The following INO80 variants were observed in gnomAD, a reference collection of about 807,000 sequenced individuals.
INO80 encodes the protein chromatin-remodeling ATPase INO80.
INO80 carries 20 observed loss-of-function variants against 203.4 expected under a neutral mutation model. The ratio of observed to expected loss-of-function variants is 0.10; its 90% CI spans 0.07 to 0.14. The LOEUF (loss-of-function observed/expected upper bound fraction) is 0.14. INO80 is among the 10% of genes least tolerant of loss of function. The pLI is 1.00. For synonymous variants in INO80, 726 were observed against 685.2 expected (o/e 1.06, Z -0.93); for missense variants, 1,419 against 1,914.4 (o/e 0.74, Z 4.83).
chr15:41,034,058 T>C (rs530425480), intron 24 of INO80, among the ~76,000 whole-genome samples: 3 of 152,010 alleles, frequency 2.0e-5, no homozygotes, highest in Non-Finnish European at 4.4e-5. Flanking sequence ...CGAGACTCTG[T>C]CTCAAAAAAC....
At chr15:41,061,675 A>G (rs1481696030) in intron 14 of INO80, among the ~76,000 whole-genome samples, 6 of 152,100 alleles carry the variant, frequency 3.9e-5, no homozygotes, top group African/African-American at 1.4e-4. Flanking sequence ...AAATACTTTA[A>G]AAAATGCTAA....
intron 11 of INO80, 23 bp from the exon 12 acceptor site, chr15:41,072,081 A>AT: frequency 1.5e-6 from 2 of 1,355,714 alleles, no homozygotes; most frequent in Non-Finnish European, 2.0e-6. Flanking sequence ...AAAAAAAAAA[A>AT]TTAGAAAAAA....
rs998339802 is a variant in INO80, at chr15:40,980,182, T to C, written c.*41A>G. ...AAAGACCACTGGCAGGTCAGGACTC[T>C]AGCCCTGGTTTGGTTGAAGGAAGTC... On this transcript the variant is annotated 3_prime_UTR_variant, in exon 36 of 36. Transcript: ENST00000648947. The C allele has an allele frequency of 1.3e-6, 2 of 1,530,282 alleles. No homozygotes were observed. Among genetic ancestry groups the C allele is most frequent in the East Asian group, 2.2e-5 (1 of 44,490 alleles). 94.8% of individuals were successfully genotyped at this position (1,530,282 alleles called of 1,614,324 possible).
chr15:40,983,307 G>A (rs1893907112), intron 34 of INO80: 1 of 534,340 alleles, frequency 1.9e-6, no homozygotes, highest in African/African-American at 1.9e-5. Flanking sequence ...TTTTCATTCT[G>A]AAGAGCAGTT....
intron 27 of INO80, among the ~76,000 whole-genome samples, chr15:41,009,368 G>T (rs2044099660): frequency 1.4e-5 from 2 of 144,092 alleles, no homozygotes. Context: ...ATCTCCCAAT[G>T]CTATCCCTCC....
intron 7 of INO80, among the ~76,000 whole-genome samples, chr15:41,084,187 G>A (rs2140635564): frequency 6.8e-6 from 1 of 146,832 alleles, no homozygotes; most frequent in African/African-American, 2.6e-5. Flanking sequence ...GACTATAATT[G>A]CAACTTCTTT....
chr15:41,011,314 G>A lies in INO80; in HGVS notation c.3402+4774C>T, dbSNP rs535763724. On this transcript the variant is annotated intron_variant, in intron 27 of 35. Coordinates refer to ENST00000648947, the MANE Select transcript of INO80 (RefSeq NM_017553.3). ...TCTTGCTATCCTCAGCTCTGTTCAC[G>A]CTTCATTTTGACATTAGTATCAGGG... Among the ~76,000 whole-genome samples, 5 of 152,150 alleles carry A rather than the reference G, an allele frequency of 3.3e-5. No homozygotes were observed. The South Asian group carries it at 6.2e-4, about 19-fold the overall frequency.
chr15:41,037,815 C>T (rs1406903689), intron 24 of INO80, among the ~76,000 whole-genome samples: 3 of 151,092 alleles, frequency 2.0e-5, no homozygotes, highest in Non-Finnish European at 2.9e-5. Flanking sequence ...TGGTGGTGCA[C>T]GCCTGTAGTC....
chr15:40,992,672 T>C (rs992294316), intron 29 of INO80, among the ~76,000 whole-genome samples: 3 of 152,254 alleles, frequency 2.0e-5, no homozygotes, highest in African/African-American at 7.2e-5. Context: ...ATTTCAATCT[T>C]GCTGTCTCAT....
intron 4 of INO80, among the ~76,000 whole-genome samples, chr15:41,092,623 A>G (rs1839997001): frequency 6.6e-6 from 1 of 152,228 alleles, no homozygotes; most frequent in African/African-American, 2.4e-5. Flanking sequence ...AATGTGGAAT[A>G]TCCAGATAAT....
intron 2 of INO80, 55 bp downstream of exon 2, chr15:41,096,113 G>A: frequency 6.6e-7 from 1 of 1,522,676 alleles, no homozygotes. Context: ...AAATCTGTAA[G>A]GATGATGGAA....
chr15:41,029,658 T>G (rs2044430660), intron 24 of INO80, among the ~76,000 whole-genome samples: 1 of 152,246 alleles, frequency 6.6e-6, no homozygotes, highest in Admixed American at 6.5e-5. Flanking sequence ...TGATTTTGGG[T>G]AGCATCTCCG....
chr15:41,031,445 G>T (rs571015735), intron 24 of INO80, among the ~76,000 whole-genome samples: 3 of 137,548 alleles, frequency 2.2e-5, no homozygotes, highest in African/African-American at 5.5e-5. Flanking sequence ...AGAAGGAAAG[G>T]AGGGGAAGGA....
chr15:41,104,613 C>T (rs2045856909), intron 1 of INO80, among the ~76,000 whole-genome samples: 1 of 152,116 alleles, frequency 6.6e-6, no homozygotes, highest in African/African-American at 2.4e-5. Context: ...TCTTGGCTCA[C>T]TGCAACCTCC....
intron 23 of INO80, 131 bp downstream of exon 23, chr15:41,047,277 T>C: frequency 1.4e-6 from 1 of 712,002 alleles, no homozygotes; most frequent in Non-Finnish European, 2.3e-6. Context: ...CAAACTTTAT[T>C]CTTAACAAAA....
intron 28 of INO80, among the ~76,000 whole-genome samples, chr15:40,999,909 A>G (rs1307019886): frequency 6.6e-6 from 1 of 152,184 alleles, no homozygotes; most frequent in Non-Finnish European, 1.5e-5. Flanking sequence ...TGGGCAATAC[A>G]GAAAGACCCT....
intron 25 of INO80, among the ~76,000 whole-genome samples, chr15:41,023,768 C>CAAAAA (rs139814568): frequency 3.0e-4 from 19 of 63,258 alleles, no homozygotes; most frequent in Admixed American, 6.7e-4. Flanking sequence ...GACTCTGTCT[C>CAAAAA]AAAAAAAAAA....
At position 41,027,733 on chromosome 15, in the gene INO80, G is replaced by A; in HGVS notation, c.2911C>T (p.Leu971Phe). The A allele has an allele frequency of 6.4e-7, 1 of 1,570,950 alleles. No homozygotes were observed. Among genetic ancestry groups the A allele is most frequent in the Non-Finnish European group, 8.6e-7 (1 of 1,157,864 alleles). The part of the protein sequence containing the change: ...NLCSCPLLKS[L>F]VFSSHCKAVS... Reference sequence around the variant, plus strand: ...GCTTTACAGTGGCTGCTGAAAACAAGAGACTGCAAAATAAAAATGCAAATG... The same window carrying A: ...GCTTTACAGTGGCTGCTGAAAACAAAAGACTGCAAAATAAAAATGCAAATG... The change falls in exon 25 of 36, where the codon CTT (leucine) becomes TTT (phenylalanine). Residue 971 changes from leucine (L) to phenylalanine (F), a missense_variant. Physicochemically the swap from Leu to Phe is conservative, Grantham distance 22 (BLOSUM62 0). Transcript: ENST00000648947.
intron 24 of INO80, among the ~76,000 whole-genome samples, chr15:41,029,716 T>G (rs2044431395): frequency 1.3e-5 from 2 of 152,258 alleles, no homozygotes; most frequent in Non-Finnish European, 1.5e-5. Flanking sequence ...ATCACTTGAA[T>G]GTCTAACATG....
Sources: allele counts gnomAD v4.1 joint callset (sites outside exome capture counted in the v4.1 genomes callset), GRCh38; gene constraint gnomAD v4.1.1; transcripts MANE v1.5; gene names NCBI Gene and HGNC (gene_info 2026-07-23, HGNC 2026-07-21).